SUMF1: variants seen among roughly 807,000 people sequenced by gnomAD.
SUMF1 encodes the protein formylglycine-generating enzyme.
Under a neutral mutation model 47.6 loss-of-function variants are expected in SUMF1, and 48 were observed. The ratio of observed to expected loss-of-function variants is 1.01; its 90% CI spans 0.80 to 1.28. The LOEUF (loss-of-function observed/expected upper bound fraction) is 1.28. SUMF1 is among the 50% of genes most tolerant of loss of function. SUMF1 has a pLI of 0.00. For missense variants in SUMF1, 571 were observed against 485.4 expected, an observed-to-expected ratio of 1.18 and a Z score of -1.66; for synonymous variants, 230 against 192.1, an observed-to-expected ratio of 1.20 and a Z score of -1.63.
chr3:4,196,666 C>T (rs184904606), intron 8 of SUMF1, among the ~76,000 whole-genome samples: 3 of 152,086 alleles, frequency 2.0e-5, no homozygotes, highest in African/African-American at 2.4e-5. Context: ...TACCTCTAAC[C>T]CTTTTCCCTC....
chr3:4,342,291 G>A (rs1049532750), intron 8 of SUMF1, among the ~76,000 whole-genome samples: 1 of 152,190 alleles, frequency 6.6e-6, no homozygotes, highest in African/African-American at 2.4e-5. Flanking sequence ...TCAGCACTTT[G>A]GGAGGCCAAG....
chr3:4,267,764 A>G (rs565613967), intron 8 of SUMF1, among the ~76,000 whole-genome samples: 3 of 150,328 alleles, frequency 2.0e-5, no homozygotes, highest in Admixed American at 2.0e-4. Flanking sequence ...GTGGAGAAAT[A>G]GGAACACTTT....
At chr3:4,376,269 A>G (rs972179745) in intron 8 of SUMF1, 61 bp downstream of exon 8, 1 of 1,586,234 alleles carries the variant, frequency 6.3e-7, no homozygotes, top group African/African-American at 1.3e-5. Flanking sequence ...ATCATTTACA[A>G]TGGATCCATA....
chr3:4,132,122 C>T (rs7637072), intron 8 of SUMF1, among the ~76,000 whole-genome samples: 50,815 of 152,026 alleles, frequency 0.33, 9,115 homozygotes, highest in Non-Finnish European at 0.41. Context: ...TTGTCCCCAC[C>T]AGAATAAACA....
At chr3:4,151,296 C>T (rs1694316525) in intron 8 of SUMF1, among the ~76,000 whole-genome samples, 1 of 148,086 alleles carries the variant, frequency 6.8e-6, no homozygotes, top group Non-Finnish European at 1.5e-5. Context: ...ATATGGAGTG[C>T]TGCTGCTAGT....
intron 5 of SUMF1, 36 bp downstream of exon 5, chr3:4,417,974 A>G (rs765550851): frequency 2.4e-5 from 39 of 1,613,526 alleles, no homozygotes; most frequent in Admixed American, 8.3e-5. Flanking sequence ...TCAAATGACC[A>G]ACATATTGTC....
At chr3:4,466,453 G>A (rs1575264922) in intron 1 of SUMF1, among the ~76,000 whole-genome samples, 1 of 152,052 alleles carries the variant, frequency 6.6e-6, no homozygotes, top group African/African-American at 2.4e-5. Context: ...ACATACAGGC[G>A]CTAAGCAAGA....
intron 8 of SUMF1, among the ~76,000 whole-genome samples, chr3:4,324,764 G>A (rs1400315030): frequency 6.6e-6 from 1 of 152,120 alleles, no homozygotes; most frequent in African/African-American, 2.4e-5. Context: ...AGTATTGATC[G>A]ATTACCAAGT....
At chr3:4,185,429 A>G (rs371259284) in intron 8 of SUMF1, among the ~76,000 whole-genome samples, 10 of 151,308 alleles carry the variant, frequency 6.6e-5, no homozygotes, top group African/African-American at 2.2e-4. Flanking sequence ...TTAATGTAAG[A>G]TACATTATCC....
At chr3:4,303,856 G>A (rs1185019719) in intron 8 of SUMF1, 1 of 1,320,010 alleles carries the variant, frequency 7.6e-7, no homozygotes, top group East Asian at 5.2e-5. Context: ...CTGGTCTCAG[G>A]TGTCTCTCAC....
chr3:4,461,833 C>T (rs1479971253), intron 1 of SUMF1, among the ~76,000 whole-genome samples: 2 of 152,168 alleles, frequency 1.3e-5, no homozygotes, highest in Non-Finnish European at 2.9e-5. Flanking sequence ...GTGTCTCACT[C>T]TGTAGGATCC....
chr3:4,431,532 C>T lies in SUMF1; in HGVS notation c.520-11386G>A, dbSNP rs561091151. ...GTCCCCTCTCCACTGAGAGCTGTTGCGTCGCTCAATAAAATTTTTCTCCGC... is the reference window on the plus strand; with the variant it reads ...GTCCCCTCTCCACTGAGAGCTGTTGTGTCGCTCAATAAAATTTTTCTCCGC... On this transcript the variant is annotated intron_variant, in intron 3 of 8. Transcript: ENST00000272902. Among the ~76,000 whole-genome samples, 3 of 152,338 alleles carry T rather than the reference C, an allele frequency of 2.0e-5. No homozygotes were observed. The East Asian group carries it at 5.8e-4, about 29-fold the overall frequency.
chr3:4,151,157 CATG>C lies in SUMF1; in HGVS notation c.1015-82415_1015-82413del, dbSNP rs1226869026. Among the ~76,000 whole-genome samples the C allele has an allele frequency of 6.0e-5, 9 of 151,240 alleles. No individual in the cohort carries two copies. In the South Asian group the frequency reaches 6.2e-4, roughly 10 times the overall value. ...TCATGCAACAGAGAACAAGCAAACACATGACTATACACACACACATACATGCAA... is the reference window on the plus strand; with the variant it reads ...TCATGCAACAGAGAACAAGCAAACACACTATACACACACACATACATGCAA... On this transcript the variant is annotated intron_variant and NMD_transcript_variant, in intron 8 of 12. Coordinates refer to the SUMF1 transcript ENST00000448413.
At chr3:4,186,495 A>G (rs181697258) in intron 8 of SUMF1, among the ~76,000 whole-genome samples, 54 of 152,240 alleles carry the variant, frequency 3.5e-4, no homozygotes, top group African/African-American at 1.3e-3. Context: ...TAATTTAAGT[A>G]ATAGGGGGAA....
intron 8 of SUMF1, among the ~76,000 whole-genome samples, chr3:4,271,920 C>T (rs766182216): frequency 1.6e-4 from 25 of 152,288 alleles, no homozygotes; most frequent in Middle Eastern, 3.4e-3. Context: ...ACTATTCCTA[C>T]ATAGCCTCTG....
At chr3:4,336,519 G>T (rs308734) in intron 8 of SUMF1, among the ~76,000 whole-genome samples, 118,544 of 152,202 alleles carry the variant, frequency 0.78, 46,709 homozygotes, top group African/African-American at 0.9. Context: ...AGTATTGGTG[G>T]CTTGATTCCC....
In SUMF1 at chr3:4,129,136, C is replaced by G. The variant is rs186154172; in HGVS notation, c.1015-60391G>C. ...AGATTCGTGAGGGCAGCACTTGCAT[C>G]TTTGAAGAGCCCTGTAATTGCCCTT... On this transcript the variant is annotated intron_variant and NMD_transcript_variant, in intron 8 of 12. Transcript: ENST00000448413. Among the ~76,000 whole-genome samples, 627 of 152,264 alleles carry G rather than the reference C, an allele frequency of 4.1e-3. 9 individuals are homozygous for G. The highest frequency in any genetic ancestry group is 7.2e-3 in the Non-Finnish European group (493 of 68,022).
At chr3:4,406,825 G>A (rs1701391155) in intron 7 of SUMF1, among the ~76,000 whole-genome samples, 1 of 152,206 alleles carries the variant, frequency 6.6e-6, no homozygotes, top group Non-Finnish European at 1.5e-5. Flanking sequence ...GGTACTGAAA[G>A]TGAGTATGCA....
intron 8 of SUMF1, among the ~76,000 whole-genome samples, chr3:4,176,787 G>C (rs183405144): frequency 3.3e-5 from 5 of 152,206 alleles, no homozygotes; most frequent in Admixed American, 3.3e-4. Context: ...CTGTATTCAG[G>C]AGACCCATCT....
Sources: allele counts gnomAD v4.1 joint callset (sites outside exome capture counted in the v4.1 genomes callset), GRCh38; gene constraint gnomAD v4.1.1; transcripts MANE v1.5; gene names NCBI Gene and HGNC (gene_info 2026-07-23, HGNC 2026-07-21).